Variants in DOCK7 observed in about 807,000 individuals in gnomAD.
DOCK7 encodes the protein dedicator of cytokinesis 7.
Under a neutral mutation model 271.0 loss-of-function variants are expected in DOCK7, and 138 were observed. The ratio of observed to expected loss-of-function variants is 0.51; its 90% confidence interval spans 0.44 to 0.59. The LOEUF (loss-of-function observed/expected upper bound fraction) is 0.59, where lower values mean the gene tolerates loss of function less well. DOCK7 is among the 20% of genes least tolerant of loss of function. The probability of loss-of-function intolerance (pLI) is 0.00; values close to 1 mark genes in which losing one functional copy is unlikely to be tolerated. For missense variants in DOCK7, 2,066 were observed against 2,592.4 expected, an observed-to-expected ratio of 0.80 and a Z score of 4.41; for synonymous variants, 823 against 876.1, an observed-to-expected ratio of 0.94 and a Z score of 1.07.
At chr1:62,518,966 A>G (rs1644760665) in intron 31 of DOCK7, among the ~76,000 whole-genome samples, 1 of 151,570 alleles carries the variant, frequency 6.6e-6, no homozygotes, top group Non-Finnish European at 1.5e-5. Flanking sequence ...TATCTAAAAC[A>G]TAATACAAAA....
intron 2 of DOCK7, among the ~76,000 whole-genome samples, chr1:62,657,410 T>A (rs1437771512): frequency 6.6e-6 from 1 of 152,096 alleles, no homozygotes; most frequent in Admixed American, 6.5e-5. Context: ...CACCTATAAC[T>A]AGAGCAATAT....
At chr1:62,488,699 A>G in intron 42 of DOCK7, 1 of 483,534 alleles carries the variant, frequency 2.1e-6, no homozygotes, top group South Asian at 2.1e-5. Context: ...TAATTCAAAA[A>G]TGAAAAAAAA....
chr1:62,569,571 T>C (rs1487083319), intron 18 of DOCK7, among the ~76,000 whole-genome samples: 2 of 152,154 alleles, frequency 1.3e-5, no homozygotes, highest in African/African-American at 4.8e-5. Flanking sequence ...AAACTAGGTA[T>C]TGAAGGAACA....
intron 48 of DOCK7, among the ~76,000 whole-genome samples, chr1:62,466,491 TG>T (rs1203238953): frequency 6.6e-6 from 1 of 152,218 alleles, no homozygotes; most frequent in Non-Finnish European, 1.5e-5. Flanking sequence ...ATTGGCTCCA[TG>T]GGTGCTTTGT....
At chr1:62,639,005 A>G (rs1199950612) in intron 7 of DOCK7, among the ~76,000 whole-genome samples, 1 of 152,188 alleles carries the variant, frequency 6.6e-6, no homozygotes, top group African/African-American at 2.4e-5. Flanking sequence ...ACATGTTTGT[A>G]GAGTACTACT....
At chr1:62,642,132 G>A (rs1426462487) in intron 7 of DOCK7, among the ~76,000 whole-genome samples, 4 of 144,592 alleles carry the variant, frequency 2.8e-5, no homozygotes, top group East Asian at 2.0e-4. Flanking sequence ...TTTTTGAGAC[G>A]GAGTCTTGCT....
intron 1 of DOCK7, among the ~76,000 whole-genome samples, chr1:62,670,659 A>G (rs1206184100): frequency 6.6e-6 from 1 of 151,882 alleles, no homozygotes; most frequent in East Asian, 1.9e-4. Flanking sequence ...TGTAGAACCT[A>G]TGTGTGGAAA....
chr1:62,532,421 T>C (rs1292018648), intron 29 of DOCK7, among the ~76,000 whole-genome samples: 2 of 152,124 alleles, frequency 1.3e-5, no homozygotes, highest in Non-Finnish European at 2.9e-5. Context: ...AGCCTTGACC[T>C]CTTGGACTTA....
intron 1 of DOCK7, among the ~76,000 whole-genome samples, chr1:62,687,238 T>C (rs766219082): frequency 1.3e-5 from 2 of 152,234 alleles, no homozygotes; most frequent in Non-Finnish European, 2.9e-5. Context: ...ATGTCTACTG[T>C]CTCATACATA....
At chr1:62,659,140 AAG>A (rs1173375745) in intron 2 of DOCK7, among the ~76,000 whole-genome samples, 3 of 152,328 alleles carry the variant, frequency 2.0e-5, no homozygotes, top group Admixed American at 1.3e-4. Flanking sequence ...AGGAAGGAAA[AAG>A]AAACACAGCA....
chr1:62,480,791 C>A (rs1557603143), intron 43 of DOCK7, among the ~76,000 whole-genome samples: 1 of 152,098 alleles, frequency 6.6e-6, no homozygotes. Flanking sequence ...GGGGGGATCA[C>A]GAGGTCAGGA....
intron 1 of DOCK7, among the ~76,000 whole-genome samples, chr1:62,668,135 G>A (rs542041760): frequency 6.6e-6 from 1 of 152,254 alleles, no homozygotes; most frequent in South Asian, 2.1e-4. Context: ...AACCTGAATC[G>A]AATCAAACCT....
In DOCK7 at chr1:62,631,252, T is replaced by C. The variant is rs890867967; in HGVS notation, c.1270A>G (p.Ile424Val). The C allele has an allele frequency of 3.7e-6, 6 of 1,604,316 alleles. No individual in the cohort carries two copies. Among genetic ancestry groups the C allele is most frequent in the South Asian group, 1.1e-5 (1 of 88,690 alleles). Reference sequence around the variant, plus strand: ...GAAACACTCTTACCTCCAGTACTGATTTCTACTTCTGTAGAATCTCTTTCC... The same window carrying C: ...GAAACACTCTTACCTCCAGTACTGACTTCTACTTCTGTAGAATCTCTTTCC... ...SLERDSTEVEISTGERKGSWS... is the reference protein window; with the variant it reads ...SLERDSTEVEVSTGERKGSWS... The change falls in exon 11 of 50, where the codon ATC becomes GTC. Residue 424 changes from isoleucine (I) to valine (V), a missense_variant. Around this residue, in one of 2 missense-constraint regions of DOCK7, gnomAD observed 1,414 missense variants for 1,670.4 expected, o/e 0.85. Coordinates refer to ENST00000635253, the MANE Select transcript of DOCK7 (RefSeq NM_001367561.1).
chr1:62,666,213 C>T (rs1233520190), intron 1 of DOCK7, among the ~76,000 whole-genome samples: 1 of 152,034 alleles, frequency 6.6e-6, no homozygotes, highest in Non-Finnish European at 1.5e-5. Flanking sequence ...TAAGAAATGA[C>T]ATTACTCCAT....
At chr1:62,499,873 C>T (rs1033694309) in intron 37 of DOCK7, among the ~76,000 whole-genome samples, 1 of 151,774 alleles carries the variant, frequency 6.6e-6, no homozygotes, top group African/African-American at 2.4e-5. Flanking sequence ...GAGCAAGACC[C>T]TGTCTCTAAA....
At chr1:62,614,390 T>C (rs1463940703) in intron 14 of DOCK7, among the ~76,000 whole-genome samples, 1 of 152,008 alleles carries the variant, frequency 6.6e-6, no homozygotes, top group Non-Finnish European at 1.5e-5. Context: ...TAAGGCCAAG[T>C]TTTTCTAACA....
chr1:62,563,222 G>A (rs538324698), intron 18 of DOCK7, among the ~76,000 whole-genome samples: 21 of 152,256 alleles, frequency 1.4e-4, no homozygotes, highest in African/African-American at 4.3e-4. Context: ...GGCAGAGTGG[G>A]TAATGTGGAC....
intron 31 of DOCK7, among the ~76,000 whole-genome samples, chr1:62,525,272 G>A (rs900366800): frequency 1.3e-5 from 2 of 151,930 alleles, no homozygotes; most frequent in Admixed American, 6.6e-5. Flanking sequence ...GCCTCCCAAA[G>A]TGCTGGGATT....
At chr1:62,524,110 A>T (rs928397487) in intron 31 of DOCK7, among the ~76,000 whole-genome samples, 1 of 152,218 alleles carries the variant, frequency 6.6e-6, no homozygotes, top group African/African-American at 2.4e-5. Context: ...ATGGTCAATC[A>T]TACTTATGGA....
Sources: allele counts gnomAD v4.1 joint callset (sites outside exome capture counted in the v4.1 genomes callset), GRCh38; gene constraint gnomAD v4.1.1; regional missense constraint gnomAD v4.1.1; transcripts MANE v1.5; gene names NCBI Gene and HGNC (gene_info 2026-07-23, HGNC 2026-07-21).